Variants in TMEM232 observed in about 807,000 individuals in gnomAD.
TMEM232 encodes the protein transmembrane protein 232.
Under a neutral mutation model 78.8 loss-of-function variants are expected in TMEM232, and 80 were observed. The ratio of observed to expected loss-of-function variants is 1.01; its 90% CI spans 0.85 to 1.22. The LOEUF (loss-of-function observed/expected upper bound fraction) is 1.22, where lower values mean the gene tolerates loss of function less well. Ranked by LOEUF, TMEM232 falls within the 50% of genes most tolerant of loss-of-function variation. The probability of loss-of-function intolerance (pLI) is 0.00; values close to 1 mark genes in which losing one functional copy is unlikely to be tolerated. For synonymous variants in TMEM232, 297 were observed against 254.3 expected (o/e 1.17, Z -1.60); for missense variants, 881 against 742.2 (o/e 1.19, Z -2.17).
intron 4 of TMEM232, among the ~76,000 whole-genome samples, chr5:110,388,827 A>C (rs1755074924): frequency 6.6e-6 from 1 of 152,212 alleles, no homozygotes; most frequent in South Asian, 2.1e-4. Flanking sequence ...GGGCAGGCAG[A>C]GGCAGAAAAC....
intron 1 of TMEM232, among the ~76,000 whole-genome samples, chr5:110,690,687 C>T (rs951947371): frequency 1.3e-5 from 2 of 152,138 alleles, no homozygotes; most frequent in African/African-American, 2.4e-5. Context: ...ATGCTTATTG[C>T]AGCACTATTC....
intron 10 of TMEM232, among the ~76,000 whole-genome samples, chr5:110,582,911 T>C (rs113264820): frequency 0.014 from 2,096 of 152,082 alleles, 45 homozygotes; most frequent in African/African-American, 0.047. Context: ...ACATTTATGA[T>C]AGCAACAAAA....
chr5:110,699,821 G>GA (rs1351878681), intron 1 of TMEM232, among the ~76,000 whole-genome samples: 1 of 151,968 alleles, frequency 6.6e-6, no homozygotes, highest in African/African-American at 2.4e-5. Context: ...ACTCTTTAGA[G>GA]AAAAAACTAA....
chr5:110,718,817 C>T (rs545982696), intron 1 of TMEM232, among the ~76,000 whole-genome samples: 4 of 152,046 alleles, frequency 2.6e-5, no homozygotes, highest in Admixed American at 6.6e-5. Flanking sequence ...TTTGGATGCA[C>T]TCAACTCTAT....
intron 1 of TMEM232, among the ~76,000 whole-genome samples, chr5:110,671,319 C>T (rs578002825): frequency 2.6e-5 from 4 of 152,240 alleles, no homozygotes; most frequent in South Asian, 4.1e-4. Context: ...ATTAGGTCAA[C>T]CATTGTGGAA....
intron 8 of TMEM232, 135 bp downstream of exon 8, chr5:110,618,294 G>T: frequency 9.1e-7 from 1 of 1,099,890 alleles, no homozygotes; most frequent in Non-Finnish European, 1.3e-6. Context: ...AATTGCCATT[G>T]CCTTTGGAAC....
At chr5:110,535,858 C>T (rs1231242735) in intron 11 of TMEM232, among the ~76,000 whole-genome samples, 2 of 152,162 alleles carry the variant, frequency 1.3e-5, no homozygotes, top group African/African-American at 2.4e-5. Flanking sequence ...CCGATTCTCA[C>T]TGGCTTCCTA....
intron 1 of TMEM232, among the ~76,000 whole-genome samples, chr5:110,709,443 C>T (rs925803300): frequency 6.6e-6 from 1 of 152,090 alleles, no homozygotes; most frequent in Admixed American, 6.6e-5. Context: ...TTCTTCTCTT[C>T]AGCACATGGA....
At chr5:110,510,670 T>C (rs1767614629) in intron 12 of TMEM232, among the ~76,000 whole-genome samples, 1 of 152,174 alleles carries the variant, frequency 6.6e-6, no homozygotes, top group Non-Finnish European at 1.5e-5. Context: ...AAGACATTTA[T>C]GTGGCCAGCA....
intron 12 of TMEM232, among the ~76,000 whole-genome samples, chr5:110,472,160 C>CA (rs1174952730): frequency 6.6e-6 from 1 of 151,642 alleles, no homozygotes; most frequent in Admixed American, 6.6e-5. Flanking sequence ...AAAGACTCCA[C>CA]AAAAAACTAT....
chr5:110,533,348 C>A (rs1771837797), intron 11 of TMEM232, among the ~76,000 whole-genome samples: 1 of 152,194 alleles, frequency 6.6e-6, no homozygotes, highest in Admixed American at 6.5e-5. Context: ...CAATCCCTTA[C>A]AAAACAACAA....
At chr5:110,722,643 G>C (rs1346591085) in intron 1 of TMEM232, among the ~76,000 whole-genome samples, 1 of 152,120 alleles carries the variant, frequency 6.6e-6, no homozygotes. Context: ...ACCTAGCCTT[G>C]CAAAGCCTGT....
At chr5:110,714,450 T>G (rs1016712393) in intron 1 of TMEM232, among the ~76,000 whole-genome samples, 1 of 152,224 alleles carries the variant, frequency 6.6e-6, no homozygotes. Flanking sequence ...GTGCCTTGTA[T>G]AGCCCACTCG....
intron 12 of TMEM232, among the ~76,000 whole-genome samples, chr5:110,452,153 C>T (rs1320536324): frequency 6.6e-6 from 1 of 151,910 alleles, no homozygotes; most frequent in Non-Finnish European, 1.5e-5. Context: ...GTTCATCTTG[C>T]CCCAAAAATA....
At chr5:110,595,970 A>T (rs1308760100) in intron 10 of TMEM232, among the ~76,000 whole-genome samples, 2 of 152,132 alleles carry the variant, frequency 1.3e-5, no homozygotes, top group East Asian at 3.9e-4. Flanking sequence ...AAGACACATA[A>T]TTGTCTGATT....
At chr5:110,438,223 T>A (rs919481511) in intron 12 of TMEM232, among the ~76,000 whole-genome samples, 1 of 151,910 alleles carries the variant, frequency 6.6e-6, no homozygotes, top group African/African-American at 2.4e-5. Flanking sequence ...CATCTTCCCT[T>A]TTCTTAGGCT....
intron 11 of TMEM232, among the ~76,000 whole-genome samples, chr5:110,535,201 C>A (rs113373455): frequency 0.045 from 6,804 of 152,104 alleles, 542 homozygotes; most frequent in African/African-American, 0.15. Flanking sequence ...CCTGCCTTAA[C>A]TGATGACATT....
intron 5 of TMEM232, among the ~76,000 whole-genome samples, chr5:110,631,380 C>G (rs1785109045): frequency 6.6e-6 from 1 of 152,152 alleles, no homozygotes. Context: ...CATTCACACC[C>G]CCGACCCAAC....
At chr5:110,721,138 T>C (rs1797556337) in intron 1 of TMEM232, among the ~76,000 whole-genome samples, 1 of 152,112 alleles carries the variant, frequency 6.6e-6, no homozygotes, top group South Asian at 2.1e-4. Flanking sequence ...AAAGCCATCA[T>C]AAAGAAGATA....
Sources: gnomAD v4.1 joint callset for allele counts (sites outside exome capture counted in the v4.1 genomes callset) on GRCh38, gnomAD v4.1.1 for gene constraint, MANE v1.5 for transcripts, NCBI Gene and HGNC (gene_info 2026-07-23, HGNC 2026-07-21) for gene names.